UNC5B: variants seen among roughly 807,000 people sequenced by gnomAD.
UNC5B encodes netrin receptor UNC5B.
Under a neutral mutation model 103.7 loss-of-function variants are expected in UNC5B, and 56 were observed. That is an observed-to-expected ratio of 0.54 (90% CI 0.44 to 0.67). UNC5B has a LOEUF of 0.67. UNC5B is among the 30% of genes least tolerant of loss of function. The pLI is 0.00. For synonymous variants in UNC5B, 577 were observed against 542.0 expected, an observed-to-expected ratio of 1.06 and a Z score of -0.90; for missense variants, 1,194 against 1,284.5, an observed-to-expected ratio of 0.93 and a Z score of 1.08.
intron 1 of UNC5B, among the ~76,000 whole-genome samples, chr10:71,225,454 C>A (rs2132242712): frequency 6.6e-6 from 1 of 152,280 alleles, no homozygotes; most frequent in African/African-American, 2.4e-5. Context: ...CACTTCTCAT[C>A]CATCTTTGTG....
chr10:71,237,204 G>C (rs1843791713), intron 1 of UNC5B, among the ~76,000 whole-genome samples: 1 of 151,642 alleles, frequency 6.6e-6, no homozygotes, highest in Non-Finnish European at 1.5e-5. Context: ...AATGACCCCT[G>C]TTTGCCTGGT....
chr10:71,257,414 C>A (rs906013351), intron 1 of UNC5B, among the ~76,000 whole-genome samples: 1 of 152,234 alleles, frequency 6.6e-6, no homozygotes, highest in Non-Finnish European at 1.5e-5. Context: ...CCCCTGGCAC[C>A]TCTCTTGCCC....
chr10:71,246,308 A>G (rs1414850984), intron 1 of UNC5B, among the ~76,000 whole-genome samples: 1 of 152,158 alleles, frequency 6.6e-6, no homozygotes, highest in Non-Finnish European at 1.5e-5. Context: ...GAGGACCCCA[A>G]GGGGAGAGGA....
intron 7 of UNC5B, 44 bp from the exon 8 acceptor site, chr10:71,288,914 C>T (rs1304435952): frequency 6.2e-7 from 1 of 1,607,024 alleles, no homozygotes; most frequent in South Asian, 1.1e-5. Flanking sequence ...CCACCCTTTC[C>T]CTGTCACCTA....
chr10:71,222,953 C>T (rs1243813468), intron 1 of UNC5B, among the ~76,000 whole-genome samples: 2 of 152,326 alleles, frequency 1.3e-5, no homozygotes, highest in East Asian at 3.9e-4. Flanking sequence ...GAAAGTTGTC[C>T]CTGACCCCCT....
chr10:71,292,134 G>A (rs1845281132), intron 10 of UNC5B, among the ~76,000 whole-genome samples: 2 of 152,198 alleles, frequency 1.3e-5, no homozygotes, highest in Admixed American at 1.3e-4. Flanking sequence ...CCTGGAACTA[G>A]CAGCAGAGGG....
At chr10:71,233,498 G>C (rs1032154012) in intron 1 of UNC5B, among the ~76,000 whole-genome samples, 10 of 152,098 alleles carry the variant, frequency 6.6e-5, no homozygotes, top group African/African-American at 1.9e-4. Context: ...CCTGTCACCC[G>C]TCCCTATACT....
chr10:71,223,021 C>G (rs1454639032), intron 1 of UNC5B, among the ~76,000 whole-genome samples: 1 of 152,196 alleles, frequency 6.6e-6, no homozygotes, highest in African/African-American at 2.4e-5. Context: ...GAGTGACATT[C>G]GGAGTGAGCA....
intron 1 of UNC5B, among the ~76,000 whole-genome samples, chr10:71,276,686 G>T (rs1354148954): frequency 6.6e-6 from 1 of 152,178 alleles, no homozygotes; most frequent in African/African-American, 2.4e-5. Context: ...CACCCACCTC[G>T]GCCTCCCAAA....
intron 2 of UNC5B, among the ~76,000 whole-genome samples, chr10:71,282,734 T>G (rs1844962360): frequency 6.6e-6 from 1 of 152,184 alleles, no homozygotes; most frequent in African/African-American, 2.4e-5. Flanking sequence ...AGGACGGGGC[T>G]GTCCCCCATC....
At chr10:71,260,520 T>C (rs975444601) in intron 1 of UNC5B, among the ~76,000 whole-genome samples, 2 of 152,230 alleles carry the variant, frequency 1.3e-5, no homozygotes, top group Non-Finnish European at 2.9e-5. Flanking sequence ...TCAGCAGCTT[T>C]CCTGTCTTCC....
chr10:71,246,179 C>T (rs905939358), intron 1 of UNC5B, among the ~76,000 whole-genome samples: 2 of 152,174 alleles, frequency 1.3e-5, no homozygotes, highest in Admixed American at 6.5e-5. Context: ...AGGCTGCCCT[C>T]GGTAAGGGAG....
intron 1 of UNC5B, among the ~76,000 whole-genome samples, chr10:71,249,940 G>T (rs1718926923): frequency 6.6e-6 from 1 of 152,140 alleles, no homozygotes; most frequent in Non-Finnish European, 1.5e-5. Context: ...GATGGGGTGG[G>T]GACGTGGTTC....
intron 2 of UNC5B, among the ~76,000 whole-genome samples, chr10:71,281,905 C>G (rs893086343): frequency 1.3e-5 from 2 of 152,350 alleles, no homozygotes; most frequent in Admixed American, 1.3e-4. Context: ...GCCTCTTTCT[C>G]TCAAACGGTC....
At chr10:71,234,098 A>T (rs1440456292) in intron 1 of UNC5B, among the ~76,000 whole-genome samples, 1 of 152,224 alleles carries the variant, frequency 6.6e-6, no homozygotes, top group Non-Finnish European at 1.5e-5. Flanking sequence ...AAGTTACAAA[A>T]TGTTAGCACT....
chr10:71,295,410 T>G (rs913583188), intron 13 of UNC5B, among the ~76,000 whole-genome samples: 1 of 152,330 alleles, frequency 6.6e-6, no homozygotes, highest in Admixed American at 6.5e-5. Context: ...ATATACCCAT[T>G]CAGTCAGCAG....
At chr10:71,280,322 C>T (rs1844891681) in intron 2 of UNC5B, among the ~76,000 whole-genome samples, 4 of 152,174 alleles carry the variant, frequency 2.6e-5, no homozygotes, top group Admixed American at 1.3e-4. Context: ...CCCTCCCAAA[C>T]ACCTGCTAAT....
At chr10:71,219,097 A>C (rs1843398503) in intron 1 of UNC5B, among the ~76,000 whole-genome samples, 1 of 152,170 alleles carries the variant, frequency 6.6e-6, no homozygotes, top group African/African-American at 2.4e-5. Context: ...GGAAAATCAC[A>C]GTCCCTCGCC....
chr10:71,250,551 G>A (rs1232256743), intron 1 of UNC5B, among the ~76,000 whole-genome samples: 1 of 152,178 alleles, frequency 6.6e-6, no homozygotes, highest in Non-Finnish European at 1.5e-5. Flanking sequence ...TGTTTTGAAA[G>A]TTTGAGGGTG....
Sources: allele counts gnomAD v4.1 joint callset (sites outside exome capture counted in the v4.1 genomes callset), GRCh38; gene constraint gnomAD v4.1.1; transcripts MANE v1.5; gene names NCBI Gene and HGNC (gene_info 2026-07-23, HGNC 2026-07-21).